Variants in ZNF274 observed in about 807,000 individuals in gnomAD.
ZNF274 encodes zinc finger protein 274.
Under a neutral mutation model 42.5 loss-of-function variants are expected in ZNF274, and 23 were observed. The ratio of observed to expected loss-of-function variants is 0.54; its 90% confidence interval spans 0.39 to 0.77. ZNF274 has a LOEUF of 0.77. Among genes scored for constraint, ZNF274 ranks in the 30% least tolerant of loss-of-function variants. The probability of loss-of-function intolerance (pLI) is 0.00; values close to 1 mark genes in which losing one functional copy is unlikely to be tolerated. For missense variants in ZNF274, 679 were observed against 806.5 expected, an observed-to-expected ratio of 0.84 and a Z score of 1.91; for synonymous variants, 292 against 305.4, an observed-to-expected ratio of 0.96 and a Z score of 0.46.
chr19:58,195,684 C>T (rs1160567305), intron 4 of ZNF274, among the ~76,000 whole-genome samples: 3 of 152,124 alleles, frequency 2.0e-5, no homozygotes, highest in Non-Finnish European at 2.9e-5. Flanking sequence ...CACTAGGGAC[C>T]GGTTTTGTGG....
chr19:58,202,925 AGT>A (rs2075930725), intron 4 of ZNF274, among the ~76,000 whole-genome samples: 1 of 152,084 alleles, frequency 6.6e-6, no homozygotes, highest in Non-Finnish European at 1.5e-5. Context: ...TACAGAACAG[AGT>A]GTGGGGCCTC....
chr19:58,199,164 G>C (rs1161247680), intron 4 of ZNF274, among the ~76,000 whole-genome samples: 1 of 151,920 alleles, frequency 6.6e-6, no homozygotes, highest in African/African-American at 2.4e-5. Flanking sequence ...TCAGGAGTTT[G>C]AGACCAGCCT....
At chr19:58,188,618 A>ATATAT (rs1441510018) in intron 4 of ZNF274, among the ~76,000 whole-genome samples, 32 of 52,550 alleles carry the variant, frequency 6.1e-4, no homozygotes, top group African/African-American at 2.7e-3. Context: ...AAAAAAAAAA[A>ATATAT]AAATATATAT....
intron 4 of ZNF274, among the ~76,000 whole-genome samples, chr19:58,204,006 T>C (rs1374593907): frequency 2.0e-5 from 3 of 152,112 alleles, no homozygotes; most frequent in Non-Finnish European, 4.4e-5. Flanking sequence ...CCTGGGCCCG[T>C]GCCAGCGGTG....
chr19:58,186,867 A>G (rs2075705709), intron 3 of ZNF274, 80 bp from the exon 4 acceptor site: 2 of 1,217,184 alleles, frequency 1.6e-6, no homozygotes, highest in Non-Finnish European at 2.4e-6. Flanking sequence ...GAGAAGCTGG[A>G]GACGGCTTGT....
rs147817931 is a variant in ZNF274, at chr19:58,200,488, G to A, written c.257-6232G>A. On this transcript the variant is annotated intron_variant, in intron 4 of 7. Coordinates refer to ENST00000617501, the MANE Select transcript of ZNF274 (RefSeq NM_133502.3). ...CATTGGTGGGGGACAAGCGAGGTAC[G>A]GGTGGGCAGCAGTAGTTCAGAACTA... Among the ~76,000 whole-genome samples, 5 of 152,304 alleles carry A rather than the reference G, an allele frequency of 3.3e-5. No individual in the cohort carries two copies. In the East Asian group the frequency reaches 7.7e-4, roughly 23 times the overall value.
At chr19:58,203,254 T>A (rs2075936603) in intron 4 of ZNF274, among the ~76,000 whole-genome samples, 1 of 152,138 alleles carries the variant, frequency 6.6e-6, no homozygotes, top group Non-Finnish European at 1.5e-5. Flanking sequence ...GTAAATCTTA[T>A]CCCCAGCTGC....
At chr19:58,185,529 G>C in intron 2 of ZNF274, 183 bp from the exon 3 acceptor site, 1 of 415,780 alleles carries the variant, frequency 2.4e-6, no homozygotes, top group East Asian at 3.7e-5. Context: ...AACCTGAATA[G>C]AGTCAAGCTT....
intron 4 of ZNF274, among the ~76,000 whole-genome samples, chr19:58,188,694 G>GTATATGTATA (rs1221412961): frequency 6.7e-5 from 5 of 74,656 alleles, no homozygotes; most frequent in African/African-American, 2.2e-4. Context: ...ATATGTATAT[G>GTATATGTATA]TATATATATA....
At position 58,211,929 on chromosome 19, in the gene ZNF274, G is replaced by A. The variant is rs116636758; in HGVS notation, c.980-232G>A. Reference sequence around the variant, plus strand: ...TCTCCTGAGGGAGTATGAGAGAACAGGAACTCGAAGAGCTCGGAGGACACT... The same window carrying A: ...TCTCCTGAGGGAGTATGAGAGAACAAGAACTCGAAGAGCTCGGAGGACACT... On this transcript the variant is annotated intron_variant, in intron 7 of 7. Coordinates refer to ENST00000617501, the MANE Select transcript of ZNF274 (RefSeq NM_133502.3). The surrounding 1 kb of genome is among the most constrained non-coding windows in gnomAD (Gnocchi z 4.8). 2.0e-3 allele frequency among the ~76,000 whole-genome samples: 311 copies of A among 152,318 alleles called. 2 individuals are homozygous for A. The highest frequency in any genetic ancestry group is 7.4e-3 in the African/African-American group (307 of 41,568).
At chr19:58,197,788 T>C (rs964274489) in intron 4 of ZNF274, among the ~76,000 whole-genome samples, 7 of 152,244 alleles carry the variant, frequency 4.6e-5, no homozygotes, top group Non-Finnish European at 7.3e-5. Flanking sequence ...GAGTCTGGAA[T>C]GTTGGGTGGC....
At position 58,188,471 on chromosome 19, in the gene ZNF274, A is replaced by C. The variant is rs373780910; in HGVS notation, c.256+1429A>C. On this transcript the variant is annotated intron_variant, in intron 4 of 7. Coordinates refer to ENST00000617501, the MANE Select transcript of ZNF274 (RefSeq NM_133502.3). ...CCCCATCTCTACTAAAAATACAAAA[A>C]TTAGCTGGGCATGGTGGGTGCCTGT... Among the ~76,000 whole-genome samples, 12 of 151,208 alleles carry C rather than the reference A, an allele frequency of 7.9e-5. No homozygotes were observed. In the East Asian group the frequency reaches 2.0e-3, roughly 25 times the overall value.
chr19:58,203,912 G>A (rs1249387795), intron 4 of ZNF274, among the ~76,000 whole-genome samples: 6 of 152,200 alleles, frequency 3.9e-5, no homozygotes, highest in Admixed American at 2.0e-4. Context: ...CTACAATTGC[G>A]CCACCTCGCT....
At chr19:58,193,468 T>C (rs2075802812) in intron 4 of ZNF274, among the ~76,000 whole-genome samples, 1 of 139,822 alleles carries the variant, frequency 7.2e-6, no homozygotes, top group Non-Finnish European at 1.5e-5. Flanking sequence ...TTTTTTTTTT[T>C]TTGGAGAGTC....
At chr19:58,188,954 C>T (rs2075746552) in intron 4 of ZNF274, among the ~76,000 whole-genome samples, 1 of 150,236 alleles carries the variant, frequency 6.7e-6, no homozygotes, top group Non-Finnish European at 1.5e-5. Context: ...TCTTTTTCTT[C>T]TTTATCAACA....
intron 4 of ZNF274, among the ~76,000 whole-genome samples, chr19:58,188,468 A>G (rs1020649265): frequency 1.3e-5 from 2 of 151,134 alleles, no homozygotes; most frequent in African/African-American, 2.4e-5. Context: ...TAAAAATACA[A>G]AAATTAGCTG....
At chr19:58,188,698 A>ATG (rs199545253) in intron 4 of ZNF274, among the ~76,000 whole-genome samples, 11,177 of 88,334 alleles carry the variant, frequency 0.13, 1,027 homozygotes, top group East Asian at 0.42. Flanking sequence ...GTATATGTAT[A>ATG]TATATATATA....
chr19:58,187,991 C>T (rs527934532), intron 4 of ZNF274, among the ~76,000 whole-genome samples: 1 of 152,318 alleles, frequency 6.6e-6, no homozygotes, highest in Non-Finnish European at 1.5e-5. Flanking sequence ...TCACAAAGTG[C>T]TGGGATTACA....
chr19:58,183,685 G>A, intron 1 of ZNF274: 1 of 403,246 alleles, frequency 2.5e-6, no homozygotes, highest in Non-Finnish European at 4.5e-6. Flanking sequence ...TGGGGTCTGG[G>A]CCAGGGAGGC....
Sources: allele counts gnomAD v4.1 joint callset (sites outside exome capture counted in the v4.1 genomes callset), GRCh38; gene constraint gnomAD v4.1.1; non-coding constraint Gnocchi (gnomAD v3.1); transcripts MANE v1.5; gene names NCBI Gene and HGNC (gene_info 2026-07-23, HGNC 2026-07-21).